The following KCNN3 variants were observed in gnomAD, a reference collection of about 807,000 sequenced individuals.
The protein encoded by KCNN3 is potassium calcium-activated channel subfamily N member 3.
KCNN3 carries 16 observed loss-of-function variants against 62.9 expected under a neutral mutation model. The ratio of observed to expected loss-of-function variants is 0.25; its 90% confidence interval spans 0.17 to 0.39. The LOEUF is 0.39. Among genes scored for constraint, KCNN3 ranks in the 10% least tolerant of loss-of-function variants. The probability of loss-of-function intolerance (pLI) is 1.00; values close to 1 mark genes in which losing one functional copy is unlikely to be tolerated. For missense variants in KCNN3, 599 were observed against 949.4 expected, an observed-to-expected ratio of 0.63 and a Z score of 4.85; for synonymous variants, 370 against 389.2, an observed-to-expected ratio of 0.95 and a Z score of 0.58.
intron 4 of KCNN3, among the ~76,000 whole-genome samples, chr1:154,726,653 G>A (rs1700471969): frequency 6.6e-6 from 1 of 152,346 alleles, no homozygotes; most frequent in East Asian, 1.9e-4. Flanking sequence ...TCACCTCAAG[G>A]TTTACGCTAT....
chr1:154,820,151 T>C (rs1650830795), intron 2 of KCNN3, among the ~76,000 whole-genome samples: 1 of 152,248 alleles, frequency 6.6e-6, no homozygotes, highest in Non-Finnish European at 1.5e-5. Context: ...AGCCAGGTTC[T>C]GGGCTGTCAG....
At position 154,704,681 on chromosome 1, in the gene KCNN3, A is replaced by G. The variant is rs1571193404; in HGVS notation, c.*3295T>C. ...GTTGTCAGAAAGATTATAGTAGGGG[A>G]TCTGCCATTGGGTCAGTCCTCTAGG... is the stretch of plus-strand genomic sequence containing the variant. On this transcript the variant is annotated 3_prime_UTR_variant, in exon 8 of 8. Transcript: ENST00000271915. 2.0e-5 allele frequency: 3 copies of G among 152,200 alleles called. No individual in the cohort carries two copies. In the East Asian group the frequency reaches 5.8e-4, roughly 29 times the overall value. 9.4% of individuals were successfully genotyped at this position (152,200 alleles called of 1,614,324 possible).
intron 2 of KCNN3, among the ~76,000 whole-genome samples, chr1:154,783,746 G>T (rs899443481): frequency 2.0e-5 from 3 of 152,208 alleles, no homozygotes; most frequent in Admixed American, 6.5e-5. Flanking sequence ...TCCCATGAGA[G>T]GGGGAGGCCG....
chr1:154,814,293 C>T (rs1479343687), intron 2 of KCNN3, among the ~76,000 whole-genome samples: 2 of 152,246 alleles, frequency 1.3e-5, no homozygotes, highest in Non-Finnish European at 2.9e-5. Context: ...ATTCAGCCTA[C>T]ACTCATTGAA....
chr1:154,857,205 A>G (rs1652572705), intron 1 of KCNN3, among the ~76,000 whole-genome samples: 1 of 152,208 alleles, frequency 6.6e-6, no homozygotes, highest in South Asian at 2.1e-4. Flanking sequence ...TGTTAACCCC[A>G]TTCACAGACC....
intron 1 of KCNN3, among the ~76,000 whole-genome samples, chr1:154,837,390 G>A (rs1040336644): frequency 3.3e-5 from 5 of 152,148 alleles, no homozygotes; most frequent in Middle Eastern, 3.4e-3. Flanking sequence ...TAATCCACCC[G>A]CCTCGGCCTC....
chr1:154,822,352 G>A (rs1650937920), intron 1 of KCNN3, among the ~76,000 whole-genome samples, 168 bp from the exon 2 acceptor site: 1 of 152,202 alleles, frequency 6.6e-6, no homozygotes, highest in Non-Finnish European at 1.5e-5. Flanking sequence ...CAAAAGCCTT[G>A]GGCTGTGCCC....
chr1:154,758,925 G>A (rs1337143699), intron 3 of KCNN3, among the ~76,000 whole-genome samples: 3 of 151,808 alleles, frequency 2.0e-5, no homozygotes, highest in Non-Finnish European at 2.9e-5. Flanking sequence ...CTCTTGCCTC[G>A]GCCTCGTGAG....
chr1:154,861,258 A>G (rs1652759710), intron 1 of KCNN3, among the ~76,000 whole-genome samples: 2 of 152,018 alleles, frequency 1.3e-5, no homozygotes, highest in African/African-American at 4.8e-5. Context: ...CCTGGCCCCA[A>G]GTCCTTAACT....
chr1:154,849,337 G>A (rs1490416764), intron 1 of KCNN3, among the ~76,000 whole-genome samples: 2 of 152,250 alleles, frequency 1.3e-5, no homozygotes, highest in Admixed American at 1.3e-4. Flanking sequence ...ACAGCCATGT[G>A]GCCTCGCAGG....
chr1:154,780,668 G>A (rs996121889), intron 2 of KCNN3, among the ~76,000 whole-genome samples: 3 of 150,970 alleles, frequency 2.0e-5, no homozygotes, highest in Non-Finnish European at 2.9e-5. Context: ...CCATTACTAC[G>A]GGGGTTACCA....
intron 3 of KCNN3, among the ~76,000 whole-genome samples, chr1:154,745,804 T>C (rs72700229): frequency 0.27 from 41,164 of 152,142 alleles, 5,779 homozygotes; most frequent in Middle Eastern, 0.35. Context: ...GTTTCCTGAT[T>C]TGGAAATGTT....
chr1:154,755,425 T>C (rs546646190), intron 3 of KCNN3, among the ~76,000 whole-genome samples: 1 of 143,248 alleles, frequency 7.0e-6, no homozygotes, highest in Non-Finnish European at 1.5e-5. Context: ...GCTGTCATCA[T>C]GCTATTGCAT....
At chr1:154,843,051 T>C (rs985962045) in intron 1 of KCNN3, among the ~76,000 whole-genome samples, 1 of 152,194 alleles carries the variant, frequency 6.6e-6, no homozygotes, top group African/African-American at 2.4e-5. Flanking sequence ...GCTCAATAAA[T>C]GACAGCTATG....
At chr1:154,714,324 G>GTGTGGGGTGTGTGTGTGTGGTGTT (rs1461338194) in intron 6 of KCNN3, among the ~76,000 whole-genome samples, 1 of 135,504 alleles carries the variant, frequency 7.4e-6, no homozygotes, top group African/African-American at 2.8e-5. Flanking sequence ...TGTGAGGTGT[G>GTGTGGGGTGTGTGTGTGTGGTGTT]TGTGTGTGGT....
intron 1 of KCNN3, among the ~76,000 whole-genome samples, chr1:154,847,205 C>G (rs147821402): frequency 6.6e-5 from 10 of 150,936 alleles, no homozygotes; most frequent in South Asian, 4.3e-4. Flanking sequence ...CTCCTCACTA[C>G]CCCCCCCTGC....
At chr1:154,842,093 G>C (rs1345882678) in intron 1 of KCNN3, among the ~76,000 whole-genome samples, 2 of 152,186 alleles carry the variant, frequency 1.3e-5, no homozygotes, top group African/African-American at 4.8e-5. Context: ...AACCTTGGGG[G>C]ATTGACCCAC....
intron 5 of KCNN3, among the ~76,000 whole-genome samples, chr1:154,718,454 A>G (rs1291901170): frequency 1.3e-5 from 2 of 152,266 alleles, no homozygotes; most frequent in African/African-American, 2.4e-5. Context: ...TGCTAAGCAC[A>G]TATGTCTGCA....
chr1:154,767,692 C>T (rs187460629), intron 3 of KCNN3, among the ~76,000 whole-genome samples: 1 of 152,276 alleles, frequency 6.6e-6, no homozygotes, highest in East Asian at 1.9e-4. Context: ...GGCAGGCAGC[C>T]AGGAGAATCC....
Sources: allele counts gnomAD v4.1 joint callset (sites outside exome capture counted in the v4.1 genomes callset), GRCh38; gene constraint gnomAD v4.1.1; transcripts MANE v1.5; gene names NCBI Gene and HGNC (gene_info 2026-07-23, HGNC 2026-07-21).